CACNA2D1: variants seen among roughly 807,000 people sequenced by gnomAD.
CACNA2D1 encodes calcium voltage-gated channel auxiliary subunit alpha2delta 1.
CACNA2D1 carries 53 observed loss-of-function variants against 171.5 expected under a neutral mutation model. The observed-to-expected ratio is 0.31, with a 90% CI of 0.25 to 0.39. The LOEUF (loss-of-function observed/expected upper bound fraction) is 0.39, where lower values mean the gene tolerates loss of function less well. Among genes scored for constraint, CACNA2D1 ranks in the 10% least tolerant of loss-of-function variants. The probability of loss-of-function intolerance (pLI) is 1.00; values close to 1 mark genes in which losing one functional copy is unlikely to be tolerated. For synonymous variants in CACNA2D1, 442 were observed against 443.1 expected, an observed-to-expected ratio of 1.00 and a Z score of 0.03; for missense variants, 903 against 1,299.8, an observed-to-expected ratio of 0.69 and a Z score of 4.69.
chr7:81,997,258 G>T lies in CACNA2D1; in HGVS notation c.1591-8C>A. ...CTCCTGAGATTTGGGGTTCTACACAGAAAACAATAATAATTAGGTACATGT... is the reference window on the plus strand; with the variant it reads ...CTCCTGAGATTTGGGGTTCTACACATAAAACAATAATAATTAGGTACATGT... On this transcript the variant is annotated splice_polypyrimidine_tract_variant and splice_region_variant and intron_variant, in intron 18 of 38. Transcript: ENST00000356860. 6.5e-7 allele frequency: 1 copy of T among 1,542,684 alleles called. No homozygotes were observed. The highest frequency in any genetic ancestry group is 2.3e-5 in the East Asian group (1 of 44,414).
intron 24 of CACNA2D1, among the ~76,000 whole-genome samples, chr7:81,976,377 T>G (rs1795844486): frequency 6.6e-6 from 1 of 152,220 alleles, no homozygotes; most frequent in South Asian, 2.1e-4. Flanking sequence ...TCCATGAGCA[T>G]GGAATGTTTT....
At chr7:81,954,829 T>TA (rs1271061321) in intron 38 of CACNA2D1, among the ~76,000 whole-genome samples, 1 of 152,134 alleles carries the variant, frequency 6.6e-6, no homozygotes, top group African/African-American at 2.4e-5. Flanking sequence ...AGACAATCTA[T>TA]ATTTAAAAAT....
At chr7:81,975,238 A>G (rs1562805396) in intron 24 of CACNA2D1, among the ~76,000 whole-genome samples, 1 of 152,148 alleles carries the variant, frequency 6.6e-6, no homozygotes, top group Non-Finnish European at 1.5e-5. Flanking sequence ...CTGCATGTGA[A>G]TCTATGACTG....
chr7:82,167,300 T>C (rs185097019), intron 4 of CACNA2D1, among the ~76,000 whole-genome samples: 2 of 152,104 alleles, frequency 1.3e-5, no homozygotes, highest in African/African-American at 4.8e-5. Context: ...AATTGTTTTG[T>C]GTGCTTTCAC....
intron 1 of CACNA2D1, among the ~76,000 whole-genome samples, chr7:82,383,616 C>T (rs1209290481): frequency 6.6e-6 from 1 of 152,106 alleles, no homozygotes; most frequent in Non-Finnish European, 1.5e-5. Flanking sequence ...GTACACAGTT[C>T]CGTGAAATGC....
chr7:82,284,208 A>AG, intron 3 of CACNA2D1, among the ~76,000 whole-genome samples: 1 of 151,908 alleles, frequency 6.6e-6, no homozygotes, highest in Non-Finnish European at 1.5e-5. Context: ...AAGAAAAAAA[A>AG]GAAAAAGGAA....
chr7:82,018,780 C>T (rs1043524564), intron 12 of CACNA2D1, among the ~76,000 whole-genome samples: 3 of 151,652 alleles, frequency 2.0e-5, no homozygotes, highest in Non-Finnish European at 4.4e-5. Context: ...CTCAGGAGTT[C>T]AAGACCAGCC....
intron 3 of CACNA2D1, among the ~76,000 whole-genome samples, chr7:82,327,163 A>C (rs755366132): frequency 4.6e-5 from 7 of 152,254 alleles, no homozygotes; most frequent in Non-Finnish European, 1.0e-4. Context: ...TTAAATCCTG[A>C]AAAAGTCTTA....
At chr7:82,046,776 A>G (rs34303148) in intron 10 of CACNA2D1, among the ~76,000 whole-genome samples, 12,581 of 152,212 alleles carry the variant, frequency 0.083, 632 homozygotes, top group Non-Finnish European at 0.083. Flanking sequence ...GTGTTTGCCT[A>G]TAAATGTAAA....
In CACNA2D1 at chr7:82,117,171, A is replaced by G. The variant is rs1218018504; in HGVS notation, c.399T>C (p.Pro133=). ...VYYNAKDDLD[P]EKNDSEPGSQ... ...TGCCTGGCTCACTGTCATTTTTCTC[A>G]GGCTATATAGAAAAAGAATAAACAG... Residue 133 remains proline (P), a splice_region_variant and synonymous_variant, in exon 6 of 39, where the codon CCT becomes CCC. Coordinates refer to ENST00000356860, the MANE Select transcript of CACNA2D1 (RefSeq NM_000722.4). 1.2e-6 allele frequency: 2 copies of G among 1,613,362 alleles called. No homozygotes were observed.
At chr7:82,138,796 A>G in intron 4 of CACNA2D1, among the ~76,000 whole-genome samples, 1 of 152,132 alleles carries the variant, frequency 6.6e-6, no homozygotes, top group African/African-American at 2.4e-5. Context: ...GTGCAAAGCA[A>G]GACAATCTTC....
chr7:81,962,289 T>C (rs1193562601), intron 35 of CACNA2D1, 151 bp downstream of exon 35: 3 of 718,964 alleles, frequency 4.2e-6, no homozygotes, highest in Admixed American at 4.9e-5. Context: ...TTAGGAAAGG[T>C]TGGACAAAAA....
intron 10 of CACNA2D1, among the ~76,000 whole-genome samples, chr7:82,060,192 ATATATATAT>A (rs1285462544): frequency 0.061 from 557 of 9,200 alleles, 53 homozygotes; most frequent in East Asian, 0.1. Context: ...TATATATATT[ATATATATAT>A]TATATATATA....
intron 1 of CACNA2D1, among the ~76,000 whole-genome samples, chr7:82,427,289 A>T (rs556166092): frequency 1.3e-5 from 2 of 152,326 alleles, no homozygotes; most frequent in South Asian, 4.1e-4. Flanking sequence ...GTGGGAAAAT[A>T]AACTTTTCAG....
At chr7:82,032,420 A>C (rs1802818654) in intron 12 of CACNA2D1, among the ~76,000 whole-genome samples, 1 of 151,696 alleles carries the variant, frequency 6.6e-6, no homozygotes, top group African/African-American at 2.4e-5. Flanking sequence ...GTATTACTGC[A>C]ATCTTTAATA....
intron 6 of CACNA2D1, among the ~76,000 whole-genome samples, chr7:82,101,272 T>C (rs1482080481): frequency 1.3e-5 from 2 of 152,114 alleles, no homozygotes; most frequent in African/African-American, 4.8e-5. Flanking sequence ...TTCTCAACAT[T>C]CCTGTACCAA....
At chr7:82,002,796 T>C (rs920828249) in intron 18 of CACNA2D1, among the ~76,000 whole-genome samples, 13 of 152,090 alleles carry the variant, frequency 8.5e-5, no homozygotes, top group African/African-American at 3.1e-4. Flanking sequence ...GAAAATGTTA[T>C]GAATCCTTAA....
intron 1 of CACNA2D1, among the ~76,000 whole-genome samples, chr7:82,402,123 A>C (rs1314155745): frequency 6.6e-6 from 1 of 152,220 alleles, no homozygotes; most frequent in Admixed American, 6.5e-5. Context: ...GAGAAATCAC[A>C]GAGGGAAGAA....
intron 10 of CACNA2D1, among the ~76,000 whole-genome samples, chr7:82,056,642 G>A (rs186392152): frequency 1.3e-5 from 2 of 152,260 alleles, no homozygotes; most frequent in Admixed American, 1.3e-4. Flanking sequence ...ATAGTGTGAT[G>A]CTGAGTCCTC....
Sources: allele counts gnomAD v4.1 joint callset (sites outside exome capture counted in the v4.1 genomes callset), GRCh38; gene constraint gnomAD v4.1.1; transcripts MANE v1.5; gene names NCBI Gene and HGNC (gene_info 2026-07-23, HGNC 2026-07-21).